RTN1: variants seen among roughly 807,000 people sequenced by gnomAD.
RTN1 encodes the protein reticulon 1, also known as reticulon-1.
A neutral mutation model predicts 65.5 loss-of-function variants in RTN1; 25 were observed. The observed-to-expected ratio is 0.38, with a 90% CI of 0.28 to 0.53. The LOEUF is 0.53. Ranked by LOEUF, RTN1 falls within the 20% of genes least tolerant of loss-of-function variation. RTN1 has a pLI of 0.79. For synonymous variants in RTN1, 471 were observed against 447.6 expected (o/e 1.05, Z -0.66); for missense variants, 983 against 1,025.4 (o/e 0.96, Z 0.57).
At position 59,691,697 on chromosome 14, in the gene RTN1, C is replaced by G. The variant is rs562205448; in HGVS notation, c.1765+35222G>C. 2.2e-4 allele frequency among the ~76,000 whole-genome samples: 33 copies of G among 152,188 alleles called. 1 individual carries two copies. The highest frequency in any genetic ancestry group is 9.2e-4 in the Admixed American group (14 of 15,276). On this transcript the variant is annotated intron_variant, in intron 3 of 8. Transcript: ENST00000267484. ...GCAAAAATCCTCAGCAAAATAATAGCAAATCAAACCCAGCAGGTCATCAAA... is the reference window on the plus strand; with the variant it reads ...GCAAAAATCCTCAGCAAAATAATAGGAAATCAAACCCAGCAGGTCATCAAA...
At chr14:59,639,030 T>C (rs1285725832) in intron 3 of RTN1, among the ~76,000 whole-genome samples, 1 of 152,174 alleles carries the variant, frequency 6.6e-6, no homozygotes, top group East Asian at 1.9e-4. Flanking sequence ...TTCCTTTCAC[T>C]CGAACACTTA....
intron 2 of RTN1, among the ~76,000 whole-genome samples, chr14:59,740,954 T>C (rs572655632): frequency 1.3e-5 from 2 of 152,294 alleles, no homozygotes; most frequent in South Asian, 4.1e-4. Flanking sequence ...CAGGGTGATG[T>C]GTTTGCTGCT....
chr14:59,847,112 A>G (rs2139658755), intron 1 of RTN1, among the ~76,000 whole-genome samples: 1 of 152,286 alleles, frequency 6.6e-6, no homozygotes, highest in Middle Eastern at 3.4e-3. Flanking sequence ...TTTCCAGTAA[A>G]AAGCTTTTTC....
In RTN1 at chr14:59,596,502, C is replaced by T. The variant is rs1344735595; in HGVS notation, c.*243G>A. The T allele has an allele frequency of 2.9e-5, 9 of 311,304 alleles. No homozygotes were observed. The highest frequency in any genetic ancestry group is 4.1e-5 in the Non-Finnish European group (7 of 168,968). The allele number at this position is 311,304 out of a possible 1,614,324, so 19.3% of individuals were successfully genotyped here. ...TCTCACCATCATGCACTTTTTTTAG[C>T]AACACAAAATTAAAAACCACATCTA... On this transcript the variant is annotated 3_prime_UTR_variant, in exon 9 of 9. Coordinates refer to ENST00000267484, the MANE Select transcript of RTN1 (RefSeq NM_021136.3).
chr14:59,785,909 G>A (rs888297919), intron 1 of RTN1, among the ~76,000 whole-genome samples: 1 of 152,130 alleles, frequency 6.6e-6, no homozygotes, highest in Non-Finnish European at 1.5e-5. Context: ...TCTCAGGAAG[G>A]CTTTAAAGGT....
intron 3 of RTN1, among the ~76,000 whole-genome samples, chr14:59,680,793 G>A (rs1255091364): frequency 1.3e-5 from 2 of 152,226 alleles, no homozygotes; most frequent in African/African-American, 4.8e-5. Flanking sequence ...AAATCTAAAT[G>A]TTGAACAATA....
chr14:59,630,662 G>C, intron 3 of RTN1: 1 of 1,225,600 alleles, frequency 8.2e-7, no homozygotes, highest in Non-Finnish European at 1.0e-6. Context: ...GGGCGGGAGC[G>C]TCGCTGGCGC....
intron 1 of RTN1, among the ~76,000 whole-genome samples, chr14:59,809,352 A>T (rs1301472812): frequency 6.6e-6 from 1 of 151,598 alleles, no homozygotes; most frequent in Non-Finnish European, 1.5e-5. Context: ...CTAGATTATG[A>T]TTCTTATTTC....
At position 59,749,378 on chromosome 14, in the gene RTN1, CTATA is replaced by C. The variant is rs1168490056; in HGVS notation, c.242-2901_242-2898del. Among the ~76,000 whole-genome samples, 6 of 32,446 alleles carry C rather than the reference CTATA, an allele frequency of 1.8e-4. 2 individuals carry two copies. Among genetic ancestry groups the C allele is most frequent in the African/African-American group, 1.1e-3 (6 of 5,708 alleles). 21.3% of individuals were successfully genotyped at this position (32,446 alleles called of 152,430 possible). On this transcript the variant is annotated intron_variant, in intron 1 of 8. Coordinates refer to ENST00000267484, the MANE Select transcript of RTN1 (RefSeq NM_021136.3). ...TATATCTATATATATATCTATATAT[CTATA>C]TCTATATATATCTATATATATCTAT... is the stretch of plus-strand genomic sequence containing the variant.
chr14:59,750,846 CG>C (rs1271002151), intron 1 of RTN1, among the ~76,000 whole-genome samples: 3 of 145,208 alleles, frequency 2.1e-5, no homozygotes, highest in Non-Finnish European at 4.5e-5. Flanking sequence ...CCCAAGTAAC[CG>C]GGACTACAGG....
At chr14:59,631,884 C>T (rs895339087) in intron 3 of RTN1, among the ~76,000 whole-genome samples, 3 of 152,248 alleles carry the variant, frequency 2.0e-5, no homozygotes, top group African/African-American at 7.2e-5. Flanking sequence ...TTATCCATTA[C>T]AGGGTCTTTT....
intron 1 of RTN1, among the ~76,000 whole-genome samples, chr14:59,851,318 AT>A (rs1390761555): frequency 1.3e-5 from 2 of 152,164 alleles, no homozygotes; most frequent in Non-Finnish European, 2.9e-5. Context: ...ATGGCAGAGA[AT>A]TTCATTTTAA....
chr14:59,721,322 C>T (rs1480362637), intron 3 of RTN1, among the ~76,000 whole-genome samples: 1 of 152,182 alleles, frequency 6.6e-6, no homozygotes, highest in East Asian at 1.9e-4. Flanking sequence ...CCTCCCAGGG[C>T]ACAGACAGGT....
chr14:59,626,403 C>T (rs1247645710), intron 3 of RTN1, among the ~76,000 whole-genome samples: 14 of 152,156 alleles, frequency 9.2e-5, no homozygotes, highest in Admixed American at 9.2e-4. Context: ...AAAATGCTGC[C>T]ACGCAGAGTA....
At chr14:59,636,352 G>C (rs1882664860) in intron 3 of RTN1, among the ~76,000 whole-genome samples, 1 of 152,040 alleles carries the variant, frequency 6.6e-6, no homozygotes, top group Non-Finnish European at 1.5e-5. Flanking sequence ...CACCCCTCTT[G>C]CCCTCTGCTC....
chr14:59,804,412 G>T (rs1886599906), intron 1 of RTN1, among the ~76,000 whole-genome samples: 1 of 152,032 alleles, frequency 6.6e-6, no homozygotes, highest in Non-Finnish European at 1.5e-5. Flanking sequence ...GTGTTCTCCT[G>T]GTGCCTTCAC....
chr14:59,610,699 C>T lies in RTN1; in HGVS notation c.1766-3207G>A, dbSNP rs183514842. Reference sequence around the variant, plus strand: ...GGTAACTGCCCTTTCCCAAAGCACACCTCCTTCTTGCCTGGGGACTAGATT... The same window carrying T: ...GGTAACTGCCCTTTCCCAAAGCACATCTCCTTCTTGCCTGGGGACTAGATT... On this transcript the variant is annotated intron_variant, in intron 3 of 8. Transcript: ENST00000267484. 3.9e-5 allele frequency among the ~76,000 whole-genome samples: 6 copies of T among 152,244 alleles called. No individual in the cohort carries two copies. In the East Asian group the frequency reaches 9.6e-4, roughly 24 times the overall value.
chr14:59,643,224 C>A (rs1882815456), intron 3 of RTN1, among the ~76,000 whole-genome samples: 1 of 152,032 alleles, frequency 6.6e-6, no homozygotes, highest in South Asian at 2.1e-4. Flanking sequence ...GCCTGGGTAA[C>A]TTAGGGAGAC....
chr14:59,755,041 C>G (rs1445192292), intron 1 of RTN1, among the ~76,000 whole-genome samples: 1 of 152,148 alleles, frequency 6.6e-6, no homozygotes, highest in Non-Finnish European at 1.5e-5. Flanking sequence ...CCTACAGATG[C>G]CTTCTTCCTG....
Sources: gnomAD v4.1 joint callset for allele counts (sites outside exome capture counted in the v4.1 genomes callset) on GRCh38, gnomAD v4.1.1 for gene constraint, MANE v1.5 for transcripts, NCBI Gene and HGNC (gene_info 2026-07-23, HGNC 2026-07-21) for gene names.